The following CNTNAP2 variants were observed in gnomAD, a reference collection of about 807,000 sequenced individuals.
The protein encoded by CNTNAP2 is contactin associated protein 2, also known as contactin-associated protein-like 2.
Under a neutral mutation model 155.2 loss-of-function variants are expected in CNTNAP2, and 98 were observed. The observed-to-expected ratio is 0.63, with a 90% confidence interval of 0.54 to 0.75. The LOEUF is 0.75. Among genes scored for constraint, CNTNAP2 ranks in the 30% least tolerant of loss-of-function variants. CNTNAP2 has a pLI of 0.00. For missense variants in CNTNAP2, 1,727 were observed against 1,688.1 expected, an observed-to-expected ratio of 1.02 and a Z score of -0.40; for synonymous variants, 651 against 631.2, an observed-to-expected ratio of 1.03 and a Z score of -0.47.
chr7:147,427,828 G>A (rs1355996227), intron 10 of CNTNAP2, among the ~76,000 whole-genome samples: 1 of 152,086 alleles, frequency 6.6e-6, no homozygotes, highest in Non-Finnish European at 1.5e-5. Context: ...TTCAAAAGAG[G>A]ACAATGTTAA....
chr7:146,379,253 T>C (rs985207506), intron 1 of CNTNAP2, among the ~76,000 whole-genome samples: 6 of 152,210 alleles, frequency 3.9e-5, no homozygotes, highest in African/African-American at 1.4e-4. Context: ...AATTGTAATT[T>C]GGACCAATTA....
intron 1 of CNTNAP2, among the ~76,000 whole-genome samples, chr7:146,666,307 G>A (rs1193191366): frequency 1.3e-5 from 2 of 152,030 alleles, no homozygotes; most frequent in East Asian, 1.9e-4. Flanking sequence ...TTCTATATAC[G>A]TTGCCACAAA....
At chr7:146,935,148 G>A (rs1796884999) in intron 3 of CNTNAP2, among the ~76,000 whole-genome samples, 1 of 152,178 alleles carries the variant, frequency 6.6e-6, no homozygotes, top group Non-Finnish European at 1.5e-5. Flanking sequence ...CTCCTCAGAA[G>A]AAGATGGCAT....
chr7:146,816,183 C>A (rs1329208633), intron 2 of CNTNAP2, among the ~76,000 whole-genome samples: 1 of 152,048 alleles, frequency 6.6e-6, no homozygotes, highest in African/African-American at 2.4e-5. Context: ...TGGGTTGGTT[C>A]CAAGTACTTT....
intron 3 of CNTNAP2, among the ~76,000 whole-genome samples, chr7:146,961,710 A>C (rs1164431134): frequency 1.3e-5 from 2 of 152,184 alleles, no homozygotes; most frequent in Non-Finnish European, 2.9e-5. Flanking sequence ...AATGCTTGCA[A>C]TGCTGAGCAC....
At chr7:147,422,644 C>T (rs1042941202) in intron 10 of CNTNAP2, among the ~76,000 whole-genome samples, 1 of 152,030 alleles carries the variant, frequency 6.6e-6, no homozygotes, top group African/African-American at 2.4e-5. Context: ...ATACTGATAC[C>T]ATCTAAGCAG....
intron 1 of CNTNAP2, among the ~76,000 whole-genome samples, chr7:146,561,000 T>C (rs1447148191): frequency 1.3e-5 from 2 of 152,190 alleles, no homozygotes; most frequent in Non-Finnish European, 2.9e-5. Flanking sequence ...AAACCTTCCT[T>C]AAGCTCACAA....
At chr7:147,026,639 C>A (rs1798925931) in intron 3 of CNTNAP2, among the ~76,000 whole-genome samples, 1 of 149,622 alleles carries the variant, frequency 6.7e-6, no homozygotes, top group Non-Finnish European at 1.5e-5. Context: ...TTTATTTTTC[C>A]CCAGGATGCT....
At chr7:147,279,208 T>C (rs2116721859) in intron 8 of CNTNAP2, among the ~76,000 whole-genome samples, 1 of 151,816 alleles carries the variant, frequency 6.6e-6, no homozygotes, top group South Asian at 2.1e-4. Flanking sequence ...TAATAAATAT[T>C]TTTATAAATG....
chr7:146,229,949 AAG>A, intron 1 of CNTNAP2, among the ~76,000 whole-genome samples: 1 of 152,212 alleles, frequency 6.6e-6, no homozygotes, highest in East Asian at 1.9e-4. Flanking sequence ...CACAAACAAA[AAG>A]TGTCTCTGAT....
At chr7:148,037,264 C>A (rs1033426521) in intron 15 of CNTNAP2, among the ~76,000 whole-genome samples, 1 of 152,104 alleles carries the variant, frequency 6.6e-6, no homozygotes, top group Non-Finnish European at 1.5e-5. Flanking sequence ...CAAACTATGT[C>A]GAAATCCTTC....
chr7:146,211,862 A>G (rs1799040135), intron 1 of CNTNAP2, among the ~76,000 whole-genome samples: 2 of 152,110 alleles, frequency 1.3e-5, no homozygotes, highest in African/African-American at 4.8e-5. Context: ...GTATATAAAG[A>G]CAAATTCTAT....
At chr7:147,468,129 T>A (rs1008098557) in intron 10 of CNTNAP2, among the ~76,000 whole-genome samples, 9 of 151,696 alleles carry the variant, frequency 5.9e-5, no homozygotes, top group South Asian at 2.1e-4. Context: ...AAAAAAAAAA[T>A]TTAAAAATAT....
rs528853340 is a variant in CNTNAP2, at chr7:146,257,415, G to T, written c.97+140442G>T. On this transcript the variant is annotated intron_variant, in intron 1 of 23. Transcript: ENST00000361727. ...TGTCAGTAAGGCAATACCTTCTGCT[G>T]TTTACAAGGCCCCAAAATGACTGTT... Among the ~76,000 whole-genome samples the T allele has an allele frequency of 4.6e-5, 7 of 152,198 alleles. No individual in the cohort carries two copies. The East Asian group carries it at 1.2e-3, about 25-fold the overall frequency.
intron 3 of CNTNAP2, among the ~76,000 whole-genome samples, chr7:147,027,635 T>C (rs1292484327): frequency 6.6e-6 from 1 of 152,212 alleles, no homozygotes; most frequent in African/African-American, 2.4e-5. Flanking sequence ...TAAAAAGATT[T>C]CCCTTTTGGA....
At chr7:146,341,575 A>G (rs1183149564) in intron 1 of CNTNAP2, among the ~76,000 whole-genome samples, 2 of 152,162 alleles carry the variant, frequency 1.3e-5, no homozygotes, top group Non-Finnish European at 2.9e-5. Context: ...CAATTTAATC[A>G]CACATAACAT....
chr7:146,229,232 A>G (rs1455915851), intron 1 of CNTNAP2, among the ~76,000 whole-genome samples: 1 of 152,212 alleles, frequency 6.6e-6, no homozygotes, highest in Non-Finnish European at 1.5e-5. Flanking sequence ...CAGAAATATC[A>G]TTATAAAAGA....
intron 15 of CNTNAP2, among the ~76,000 whole-genome samples, chr7:148,001,297 C>T (rs1801892084): frequency 6.6e-6 from 1 of 152,232 alleles, no homozygotes; most frequent in Admixed American, 6.5e-5. Context: ...CTCCTGGGTC[C>T]TAGCCTTCAG....
intron 1 of CNTNAP2, among the ~76,000 whole-genome samples, chr7:146,447,472 A>G (rs1026817382): frequency 7.0e-4 from 106 of 152,114 alleles, no homozygotes; most frequent in African/African-American, 2.2e-3. Flanking sequence ...CCAATTTACA[A>G]TTTTCAAATT....
Sources: gnomAD v4.1 joint callset for allele counts (sites outside exome capture counted in the v4.1 genomes callset) on GRCh38, gnomAD v4.1.1 for gene constraint, MANE v1.5 for transcripts, NCBI Gene and HGNC (gene_info 2026-07-23, HGNC 2026-07-21) for gene names.